Variants in TENM4 observed in about 807,000 individuals in gnomAD.
TENM4 encodes teneurin transmembrane protein 4, also known as teneurin-4.
In TENM4, 82 loss-of-function variants were observed where a neutral mutation model predicts 243.3. The ratio of observed to expected loss-of-function variants is 0.34; its 90% CI spans 0.28 to 0.40. The LOEUF (loss-of-function observed/expected upper bound fraction) is 0.40, where lower values mean the gene tolerates loss of function less well. Among genes scored for constraint, TENM4 ranks in the 10% least tolerant of loss-of-function variants. The pLI is 1.00. For synonymous variants in TENM4, 1,412 were observed against 1,456.3 expected, an observed-to-expected ratio of 0.97 and a Z score of 0.69; for missense variants, 3,138 against 3,673.3, an observed-to-expected ratio of 0.85 and a Z score of 3.77.
chr11:79,131,636 A>G lies in TENM4; in HGVS notation c.-66+17074T>C, dbSNP rs112432617. On this transcript the variant is annotated intron_variant, in intron 4 of 33. Coordinates refer to ENST00000278550, the MANE Select transcript of TENM4 (RefSeq NM_001098816.3). ...AAAATACAAGTTAAAAAGCAAAAAC[A>G]AAAAACAAAGTACACTGGCAACAAA... 8.4e-3 allele frequency among the ~76,000 whole-genome samples: 1,272 copies of G among 152,312 alleles called. 12 individuals are homozygous for G. Among genetic ancestry groups the G allele is most frequent in the African/African-American group, 0.029 (1,203 of 41,560 alleles).
intron 4 of TENM4, among the ~76,000 whole-genome samples, chr11:79,099,234 G>A (rs1861161460): frequency 1.3e-5 from 2 of 152,120 alleles, no homozygotes; most frequent in Admixed American, 1.3e-4. Context: ...ATCTGAGGGA[G>A]TGCTGCTGGG....
chr11:79,377,463 G>C (rs2135519117), intron 1 of TENM4, among the ~76,000 whole-genome samples: 1 of 152,266 alleles, frequency 6.6e-6, no homozygotes, highest in East Asian at 1.9e-4. Flanking sequence ...AGCTAACCCT[G>C]AGCAAGTCCC....
chr11:79,229,103 G>A (rs1384390296), intron 2 of TENM4, among the ~76,000 whole-genome samples: 1 of 152,182 alleles, frequency 6.6e-6, no homozygotes, highest in African/African-American at 2.4e-5. Context: ...TTTGTCTAAT[G>A]TTCTTCTCAT....
chr11:78,693,708 G>C (rs1048974785), intron 28 of TENM4, among the ~76,000 whole-genome samples: 3 of 152,112 alleles, frequency 2.0e-5, no homozygotes, highest in Non-Finnish European at 4.4e-5. Flanking sequence ...CACAGTGAAA[G>C]AAAACACATA....
intron 1 of TENM4, among the ~76,000 whole-genome samples, chr11:79,416,476 G>A (rs991910424): frequency 6.6e-6 from 1 of 152,074 alleles, no homozygotes; most frequent in Non-Finnish European, 1.5e-5. Flanking sequence ...TAATGATACT[G>A]AGCATTCTTT....
In TENM4 at chr11:79,215,815, C is replaced by G. The variant is rs1187235902; in HGVS notation, c.-170G>C. On this transcript the variant is annotated 5_prime_UTR_variant, in exon 3 of 34. An upstream start codon of the reference 5' UTR is lost. Coordinates refer to ENST00000278550, the MANE Select transcript of TENM4 (RefSeq NM_001098816.3). ...GCAGACAAGGGGACTGACCTGGCTCCATGTCAGCACGTTCTGAAGAGTCAG... is the reference window on the plus strand; with the variant it reads ...GCAGACAAGGGGACTGACCTGGCTCGATGTCAGCACGTTCTGAAGAGTCAG... The G allele has an allele frequency of 1.0e-6, 1 of 985,680 alleles. No individual in the cohort carries two copies. Among genetic ancestry groups the G allele is most frequent in the Non-Finnish European group, 1.2e-6 (1 of 829,948 alleles). The allele number at this position is 985,680 out of a possible 1,614,324, so 61.1% of individuals were successfully genotyped here. A position where few individuals can be genotyped will look rare whatever the true frequency, so the allele number is the denominator to read the frequency against.
chr11:78,817,999 A>G (rs888611763), intron 12 of TENM4, among the ~76,000 whole-genome samples: 2 of 152,118 alleles, frequency 1.3e-5, no homozygotes, highest in East Asian at 1.9e-4. Context: ...TTAAAATACC[A>G]TATAGGTTTC....
intron 3 of TENM4, among the ~76,000 whole-genome samples, chr11:79,166,535 C>G (rs1408487258): frequency 6.6e-6 from 1 of 152,202 alleles, no homozygotes. Flanking sequence ...CACTTATTGA[C>G]TGCTTACTAT....
At chr11:79,289,574 T>C (rs1249591778) in intron 2 of TENM4, among the ~76,000 whole-genome samples, 2 of 152,234 alleles carry the variant, frequency 1.3e-5, no homozygotes, top group Admixed American at 1.3e-4. Context: ...TCAGCTGACA[T>C]TTTTGCTGTG....
intron 2 of TENM4, among the ~76,000 whole-genome samples, chr11:79,275,398 T>C (rs560121731): frequency 6.6e-6 from 1 of 152,376 alleles, no homozygotes; most frequent in East Asian, 1.9e-4. Context: ...AAGATGCCTG[T>C]AGGCAAAGCA....
intron 32 of TENM4, among the ~76,000 whole-genome samples, chr11:78,662,144 A>T (rs1420072074): frequency 2.0e-5 from 3 of 148,514 alleles, no homozygotes; most frequent in Non-Finnish European, 4.5e-5. Context: ...TACCTTTTAT[A>T]CTCTGACAGC....
At chr11:79,230,594 C>T (rs1206554932) in intron 2 of TENM4, among the ~76,000 whole-genome samples, 7 of 152,192 alleles carry the variant, frequency 4.6e-5, no homozygotes, top group Admixed American at 3.3e-4. Flanking sequence ...AACATTAATA[C>T]TTACAATGCT....
At chr11:79,101,155 G>A (rs1223344541) in intron 4 of TENM4, among the ~76,000 whole-genome samples, 4 of 152,308 alleles carry the variant, frequency 2.6e-5, no homozygotes, top group South Asian at 2.1e-4. Context: ...AAGCTAGCTG[G>A]TGGGGCCATG....
At chr11:78,692,638 C>T (rs1333001375) in intron 28 of TENM4, among the ~76,000 whole-genome samples, 2 of 152,090 alleles carry the variant, frequency 1.3e-5, no homozygotes, top group African/African-American at 4.8e-5. Context: ...GCATGTGCTT[C>T]CTCGTGTCAA....
chr11:78,778,534 C>T, intron 17 of TENM4, 68 bp downstream of exon 17: 1 of 1,506,160 alleles, frequency 6.6e-7, no homozygotes, highest in South Asian at 1.2e-5. Context: ...ATACACATTT[C>T]TTCTTTTATA....
chr11:79,109,534 G>A (rs1249033410), intron 4 of TENM4, among the ~76,000 whole-genome samples: 3 of 152,204 alleles, frequency 2.0e-5, no homozygotes, highest in East Asian at 1.9e-4. Flanking sequence ...CCATGCAGGG[G>A]AGAGGGTTTT....
intron 3 of TENM4, among the ~76,000 whole-genome samples, chr11:79,153,658 G>A (rs185174693): frequency 1.3e-5 from 2 of 152,294 alleles, no homozygotes; most frequent in South Asian, 2.1e-4. Context: ...TGAAAGAAGG[G>A]GAAGGGTAGT....
intron 2 of TENM4, among the ~76,000 whole-genome samples, chr11:79,271,890 C>A (rs980640662): frequency 6.6e-6 from 1 of 152,164 alleles, no homozygotes; most frequent in African/African-American, 2.4e-5. Flanking sequence ...AACATACTTC[C>A]CATGCACTGA....
intron 6 of TENM4, chr11:78,962,004 G>A (rs963998787): frequency 9.2e-5 from 14 of 152,412 alleles, no homozygotes; most frequent in African/African-American, 3.4e-4. Context: ...AGCCCGCGGA[G>A]CCACGTCAGG....
Sources: gnomAD v4.1 joint callset for allele counts (sites outside exome capture counted in the v4.1 genomes callset) on GRCh38, gnomAD v4.1.1 for gene constraint, MANE v1.5 for transcripts, NCBI Gene and HGNC (gene_info 2026-07-23, HGNC 2026-07-21) for gene names.